D2HGDH: variants seen among roughly 807,000 people sequenced by gnomAD.
D2HGDH encodes the protein D-2-hydroxyglutarate dehydrogenase.
A neutral mutation model predicts 46.9 loss-of-function variants in D2HGDH; 31 were observed. The observed-to-expected ratio is 0.66, with a 90% CI of 0.50 to 0.89. The LOEUF (loss-of-function observed/expected upper bound fraction) is 0.89, where lower values mean the gene tolerates loss of function less well. Among genes scored for constraint, D2HGDH ranks in the 40% least tolerant of loss-of-function variants. D2HGDH has a pLI of 0.00. For synonymous variants in D2HGDH, 364 were observed against 332.6 expected, an observed-to-expected ratio of 1.09 and a Z score of -1.03; for missense variants, 698 against 720.8, an observed-to-expected ratio of 0.97 and a Z score of 0.36.
At chr2:241,735,609 A>G in intron 2 of D2HGDH, 93 bp downstream of exon 2, 1 of 1,538,266 alleles carries the variant, frequency 6.5e-7, no homozygotes, top group South Asian at 1.2e-5. Flanking sequence ...AACAACCTGG[A>G]TGGGGGTGCC....
intron 8 of D2HGDH, chr2:241,754,938 T>C: frequency 1.8e-6 from 2 of 1,084,440 alleles, no homozygotes; most frequent in Non-Finnish European, 2.4e-6. Context: ...AATGATAGGG[T>C]CTCTGGAGGG....
chr2:241,747,086 C>A (rs1275891905), intron 6 of D2HGDH, among the ~76,000 whole-genome samples: 4 of 151,942 alleles, frequency 2.6e-5, no homozygotes, highest in Non-Finnish European at 5.9e-5. Flanking sequence ...TACAGGTGCA[C>A]ACCACCATGC....
rs370973166 is a variant in D2HGDH at position 241,742,063 on chromosome 2, A to G, written c.351-372A>G. 6.6e-5 allele frequency among the ~76,000 whole-genome samples: 10 copies of G among 151,834 alleles called. No homozygotes were observed. The highest frequency in any genetic ancestry group is 2.4e-4 in the African/African-American group (10 of 41,286). ...GGGATAATGGGCCGAGGGTGGGGAG[A>G]TGCAGGCAGAGGGTGGAAGGCAGTG... On this transcript the variant is annotated intron_variant, in intron 3 of 9. Coordinates refer to ENST00000321264, the MANE Select transcript of D2HGDH (RefSeq NM_152783.5). The surrounding 1 kb of genome is among the most constrained non-coding windows in gnomAD (Gnocchi z 4.8).
chr2:241,748,740 G>A (rs750746481), intron 6 of D2HGDH: 45 of 1,002,686 alleles, frequency 4.5e-5, no homozygotes, highest in East Asian at 1.1e-4. Context: ...ACCTGACCCC[G>A]GAACGGCTGG....
At position 241,744,972 on chromosome 2, in the gene D2HGDH, A is replaced by ACC. The variant is rs368566208; in HGVS notation, c.853+100_853+101dup. On this transcript the variant is annotated intron_variant, in intron 6 of 9. Transcript: ENST00000321264. Reference sequence around the variant, plus strand: ...TTGGTGTGAGGAAGGGGATGGAGGGACCCCCCGCCAAGGACAGTCGGTTCC... The same window carrying ACC: ...TTGGTGTGAGGAAGGGGATGGAGGGACCCCCCCCGCCAAGGACAGTCGGTTCC... 69,633 of 1,333,584 alleles carry ACC rather than the reference A, an allele frequency of 0.052. 714 individuals carry two copies. Among genetic ancestry groups the ACC allele is most frequent in the African/African-American group, 0.11 (7,240 of 66,778 alleles). The allele number at this position is 1,333,584 out of a possible 1,614,324, so 82.6% of individuals were successfully genotyped here.
At chr2:241,756,659 T>C (rs1001397036) in intron 9 of D2HGDH, among the ~76,000 whole-genome samples, 2 of 152,170 alleles carry the variant, frequency 1.3e-5, no homozygotes, top group African/African-American at 4.8e-5. Context: ...GTCTCTGGGA[T>C]TACAGGCGTC....
intron 9 of D2HGDH, 148 bp from the exon 10 acceptor site, chr2:241,767,562 C>A: frequency 1.8e-6 from 2 of 1,135,282 alleles, no homozygotes; most frequent in Non-Finnish European, 2.5e-6. Flanking sequence ...GAGGGGTCGG[C>A]ACGTCCAGGG....
intron 9 of D2HGDH, among the ~76,000 whole-genome samples, chr2:241,761,568 G>T (rs1266200533): frequency 6.6e-6 from 1 of 152,146 alleles, no homozygotes; most frequent in Non-Finnish European, 1.5e-5. Flanking sequence ...GAGGATGTGT[G>T]TAGTTTATAT....
Position 241,768,010 on chromosome 2 carries a change from G to T in D2HGDH, c.*41G>T. On this transcript the variant is annotated 3_prime_UTR_variant, in exon 10 of 10. Transcript: ENST00000321264. ...CTGCCAAGGCCCACTGGGGGTCGGC[G>T]GGTGGCTCTCGGGCGGGGGTGTTGC... The T allele has an allele frequency of 6.5e-7, 1 of 1,549,324 alleles. No individual in the cohort carries two copies. Among genetic ancestry groups the T allele is most frequent in the East Asian group, 2.4e-5 (1 of 42,110 alleles).
chr2:241,749,790 G>A (rs1410903386), intron 6 of D2HGDH: 2 of 364,606 alleles, frequency 5.5e-6, no homozygotes, highest in South Asian at 4.2e-5. Flanking sequence ...TCTGATGCTG[G>A]TGACACCAGG....
In D2HGDH at chr2:241,767,805, C is replaced by A. The variant is rs757252082; in HGVS notation, c.1402C>A (p.Gln468Lys). ...CCACGTGTACGAGTGGACGGCCGGG[C>A]AGCAGGGCAGCGTCAGCGCGGAGCA... is the stretch of plus-strand genomic sequence containing the variant. ...EPHVYEWTAG[Q>K]QGSVSAEHGV... Residue 468 changes from glutamine (Q) to lysine (K), a missense_variant, in exon 10 of 10, where the codon CAG becomes AAG. Coordinates refer to ENST00000321264, the MANE Select transcript of D2HGDH (RefSeq NM_152783.5). The A allele has an allele frequency of 1.9e-6, 3 of 1,612,064 alleles. No individual in the cohort carries two copies. In the African/African-American group the frequency reaches 4.0e-5, roughly 22 times the overall value.
chr2:241,757,250 G>GGTAC (rs1322659202), intron 9 of D2HGDH, among the ~76,000 whole-genome samples: 1 of 152,182 alleles, frequency 6.6e-6, no homozygotes, highest in African/African-American at 2.4e-5. Flanking sequence ...GCCTGTGGAG[G>GGTAC]GGTACATCTG....
rs1055007715 is a variant in D2HGDH at position 241,743,505 on chromosome 2, G to T, written c.491-117G>T. The T allele has an allele frequency of 5.0e-6, 6 of 1,203,878 alleles. No homozygotes were observed. The African/African-American group carries it at 7.5e-5, about 15-fold the overall frequency. 74.6% of individuals were successfully genotyped at this position (1,203,878 alleles called of 1,614,324 possible). A position where few individuals can be genotyped will look rare whatever the true frequency, so the allele number is the denominator to read the frequency against. On this transcript the variant is annotated intron_variant, in intron 4 of 9. Coordinates refer to ENST00000321264, the MANE Select transcript of D2HGDH (RefSeq NM_152783.5). This position sits in a 1 kb window ranked among gnomAD's most constrained non-coding sequence, Gnocchi z 4.8. ...GGGGTGCCTCTTCTCCTCAGCCCTGGCGCTGAGGCTGATGTTCCTTCTGGG... is the reference window on the plus strand; with the variant it reads ...GGGGTGCCTCTTCTCCTCAGCCCTGTCGCTGAGGCTGATGTTCCTTCTGGG...
intron 9 of D2HGDH, among the ~76,000 whole-genome samples, chr2:241,759,884 G>C (rs1353614694): frequency 6.6e-6 from 1 of 152,248 alleles, no homozygotes; most frequent in Non-Finnish European, 1.5e-5. Context: ...GCGTCCACTT[G>C]TCTGGGCCCT....
chr2:241,749,007 C>A, intron 6 of D2HGDH: 1 of 1,157,770 alleles, frequency 8.6e-7, no homozygotes, highest in Non-Finnish European at 1.1e-6. Context: ...GGAACAGGCC[C>A]TGTGAGGATG....
chr2:241,743,551 G>A lies in D2HGDH; in HGVS notation c.491-71G>A. 6.5e-7 allele frequency: 1 copy of A among 1,543,574 alleles called. No individual in the cohort carries two copies. Among genetic ancestry groups the A allele is most frequent in the Non-Finnish European group, 8.8e-7 (1 of 1,139,272 alleles). ...CTGGGTGGCTTGCCTGTGCAAGATG[G>A]GGGTTGGGACTCACCAGCCCGGGGG... On this transcript the variant is annotated intron_variant, in intron 4 of 9. Transcript: ENST00000321264. This position sits in a 1 kb window ranked among gnomAD's most constrained non-coding sequence, Gnocchi z 4.8.
At chr2:241,756,057 G>C (rs773142090) in intron 9 of D2HGDH, 43 bp downstream of exon 9, 1 of 1,568,276 alleles carries the variant, frequency 6.4e-7, no homozygotes, top group Non-Finnish European at 8.7e-7. Context: ...GTGCTGGGTG[G>C]TGGGCCCCAC....
At chr2:241,752,794 A>C (rs1575296145) in intron 8 of D2HGDH, among the ~76,000 whole-genome samples, 1 of 138,298 alleles carries the variant, frequency 7.2e-6, no homozygotes, top group Admixed American at 7.3e-5. Context: ...CGACCCTGGC[A>C]CCCCAGCCTC....
In D2HGDH at chr2:241,768,251, A is replaced by G; in HGVS notation, c.*282A>G. Reference sequence around the variant, plus strand: ...GTGGCGGCAGCTTTGCCCACGTGGAAGCGGGGTGGGTCTCACTTGCGTGGT... The same window carrying G: ...GTGGCGGCAGCTTTGCCCACGTGGAGGCGGGGTGGGTCTCACTTGCGTGGT... On this transcript the variant is annotated 3_prime_UTR_variant, in exon 10 of 10. Coordinates refer to ENST00000321264, the MANE Select transcript of D2HGDH (RefSeq NM_152783.5). 2 of 491,848 alleles carry G rather than the reference A, an allele frequency of 4.1e-6. No individual in the cohort carries two copies. The highest frequency in any genetic ancestry group is 2.0e-5 in the African/African-American group (1 of 50,906). The allele number at this position is 491,848 out of a possible 1,614,324, so 30.5% of individuals were successfully genotyped here. A position where few individuals can be genotyped will look rare whatever the true frequency, so the allele number is the denominator to read the frequency against.
Sources: allele counts gnomAD v4.1 joint callset (sites outside exome capture counted in the v4.1 genomes callset), GRCh38; gene constraint gnomAD v4.1.1; non-coding constraint Gnocchi (gnomAD v3.1); transcripts MANE v1.5; gene names NCBI Gene and HGNC (gene_info 2026-07-23, HGNC 2026-07-21).